JAZF1: variants seen among roughly 807,000 people sequenced by gnomAD.
JAZF1 encodes the protein juxtaposed with another zinc finger protein 1.
In JAZF1, 8 loss-of-function variants were observed where a neutral mutation model predicts 26.4. The ratio of observed to expected loss-of-function variants is 0.30; its 90% confidence interval spans 0.18 to 0.55. The LOEUF (loss-of-function observed/expected upper bound fraction) is 0.55, where lower values mean the gene tolerates loss of function less well. Ranked by LOEUF, JAZF1 falls within the 20% of genes least tolerant of loss-of-function variation. The probability of loss-of-function intolerance (pLI) is 0.94; values close to 1 mark genes in which losing one functional copy is unlikely to be tolerated. For missense variants in JAZF1, 199 were observed against 322.0 expected (o/e 0.62, Z 2.92); for synonymous variants, 126 against 122.3 (o/e 1.03, Z -0.20).
intron 1 of JAZF1, among the ~76,000 whole-genome samples, chr7:28,149,428 G>A (rs1324258139): frequency 6.6e-6 from 1 of 152,062 alleles, no homozygotes; most frequent in Non-Finnish European, 1.5e-5. Flanking sequence ...GGCAGGCAAA[G>A]GCAGGCAAGC....
At chr7:28,002,682 C>G (rs968141518) in intron 1 of JAZF1, among the ~76,000 whole-genome samples, 1 of 152,126 alleles carries the variant, frequency 6.6e-6, no homozygotes, top group African/African-American at 2.4e-5. Flanking sequence ...CATAGAAAAT[C>G]TAAGAATTCA....
At chr7:28,035,417 T>TAA (rs76227018) in intron 1 of JAZF1, among the ~76,000 whole-genome samples, 1 of 143,290 alleles carries the variant, frequency 7.0e-6, no homozygotes, top group East Asian at 2.0e-4. Flanking sequence ...CTCAAGTAAG[T>TAA]AAAAAAAACA....
chr7:28,116,365 G>A (rs1223983780), intron 1 of JAZF1, among the ~76,000 whole-genome samples: 1 of 152,194 alleles, frequency 6.6e-6, no homozygotes, highest in Admixed American at 6.5e-5. Flanking sequence ...TGCTACTTCA[G>A]TACAGTTTAA....
chr7:28,075,687 T>G (rs1187423683), intron 1 of JAZF1, among the ~76,000 whole-genome samples: 1 of 152,200 alleles, frequency 6.6e-6, no homozygotes, highest in Non-Finnish European at 1.5e-5. Context: ...TAGTGTTTCC[T>G]ATAGTGAATA....
intron 2 of JAZF1, among the ~76,000 whole-genome samples, chr7:27,903,060 G>C (rs1037195852): frequency 6.6e-6 from 1 of 150,594 alleles, no homozygotes; most frequent in Admixed American, 6.6e-5. Context: ...CACTTGTACT[G>C]GAAATCTTAA....
intron 2 of JAZF1, among the ~76,000 whole-genome samples, chr7:27,969,087 G>T (rs1785327149): frequency 6.6e-6 from 1 of 152,124 alleles, no homozygotes; most frequent in Admixed American, 6.6e-5. Context: ...CTGGTCAATA[G>T]GCAAACTTGG....
intron 1 of JAZF1, among the ~76,000 whole-genome samples, chr7:28,078,597 G>A (rs1784090523): frequency 1.3e-5 from 2 of 152,170 alleles, no homozygotes; most frequent in Admixed American, 6.5e-5. Context: ...AATAGAGAGA[G>A]GGCCACTTGA....
chr7:27,835,412 C>T (rs992208090), intron 4 of JAZF1, among the ~76,000 whole-genome samples: 4 of 152,168 alleles, frequency 2.6e-5, no homozygotes, highest in East Asian at 1.9e-4. Flanking sequence ...TTCCGGCAGG[C>T]GCTGTGGCCC....
chr7:28,167,524 C>T (rs1054928579), intron 1 of JAZF1, among the ~76,000 whole-genome samples: 2 of 152,202 alleles, frequency 1.3e-5, no homozygotes, highest in Admixed American at 6.5e-5. Flanking sequence ...TTTTCTCGTC[C>T]AAGCACCTGC....
chr7:28,146,757 T>C (rs1024897534), intron 1 of JAZF1, among the ~76,000 whole-genome samples: 1 of 152,188 alleles, frequency 6.6e-6, no homozygotes, highest in African/African-American at 2.4e-5. Context: ...TGTTCTTGCT[T>C]TTAATCTACT....
At chr7:28,112,139 C>T (rs1261095831) in intron 1 of JAZF1, among the ~76,000 whole-genome samples, 2 of 152,114 alleles carry the variant, frequency 1.3e-5, no homozygotes, top group African/African-American at 4.8e-5. Context: ...AGATACTTGG[C>T]TGTCCCAGAG....
chr7:28,166,125 T>A (rs923279264), intron 1 of JAZF1, among the ~76,000 whole-genome samples: 4 of 151,950 alleles, frequency 2.6e-5, no homozygotes, highest in Admixed American at 2.0e-4. Flanking sequence ...TATATATATA[T>A]ATAAAAAAAG....
chr7:27,846,979 AT>A (rs1341498362), intron 3 of JAZF1, among the ~76,000 whole-genome samples: 1 of 150,950 alleles, frequency 6.6e-6, no homozygotes, highest in Non-Finnish European at 1.5e-5. Flanking sequence ...TTTTATTTTT[AT>A]TTTTTTGAGA....
intron 1 of JAZF1, among the ~76,000 whole-genome samples, chr7:27,998,524 T>TC (rs1466307332): frequency 4.6e-5 from 7 of 152,200 alleles, no homozygotes; most frequent in African/African-American, 1.7e-4. Flanking sequence ...GATCAACTTT[T>TC]CCTTAGTTTA....
At chr7:28,087,945 TAA>T (rs1213466592) in intron 1 of JAZF1, among the ~76,000 whole-genome samples, 1 of 152,206 alleles carries the variant, frequency 6.6e-6, no homozygotes, top group Non-Finnish European at 1.5e-5. Flanking sequence ...ATACAGGAGA[TAA>T]AGAGAAGGCT....
chr7:28,004,910 C>T (rs1461553039), intron 1 of JAZF1, among the ~76,000 whole-genome samples: 2 of 152,198 alleles, frequency 1.3e-5, no homozygotes, highest in Non-Finnish European at 2.9e-5. Context: ...ACCTCAGCCT[C>T]CCAAAGTGCT....
At chr7:27,887,614 C>T (rs1214835682) in intron 3 of JAZF1, among the ~76,000 whole-genome samples, 2 of 151,964 alleles carry the variant, frequency 1.3e-5, no homozygotes, top group African/African-American at 2.4e-5. Context: ...TGGGGTTTTG[C>T]CATGTTTGCC....
chr7:28,012,889 A>C (rs1782821374), intron 1 of JAZF1, among the ~76,000 whole-genome samples: 1 of 152,174 alleles, frequency 6.6e-6, no homozygotes, highest in African/African-American at 2.4e-5. Context: ...TTTACCTTTA[A>C]ATACAATTTG....
At chr7:28,015,678 T>C (rs1311829405) in intron 1 of JAZF1, among the ~76,000 whole-genome samples, 1 of 152,196 alleles carries the variant, frequency 6.6e-6, no homozygotes, top group East Asian at 1.9e-4. Flanking sequence ...CAGACACTGT[T>C]TTGTCTTTTC....
Sources: gnomAD v4.1 joint callset for allele counts (sites outside exome capture counted in the v4.1 genomes callset) on GRCh38, gnomAD v4.1.1 for gene constraint, MANE v1.5 for transcripts, NCBI Gene and HGNC (gene_info 2026-07-23, HGNC 2026-07-21) for gene names.